SLCO3A1: variants seen among roughly 807,000 people sequenced by gnomAD.
SLCO3A1 encodes solute carrier organic anion transporter family member 3A1.
A neutral mutation model predicts 63.1 loss-of-function variants in SLCO3A1; 27 were observed. The observed-to-expected ratio is 0.43, with a 90% CI of 0.32 to 0.59. The LOEUF (loss-of-function observed/expected upper bound fraction) is 0.59. Among genes scored for constraint, SLCO3A1 ranks in the 20% least tolerant of loss-of-function variants. The pLI is 0.09. For synonymous variants in SLCO3A1, 473 were observed against 409.9 expected, an observed-to-expected ratio of 1.15 and a Z score of -1.86; for missense variants, 773 against 945.8, an observed-to-expected ratio of 0.82 and a Z score of 2.40.
At chr15:92,007,197 T>C (rs2151458970) in intron 2 of SLCO3A1, among the ~76,000 whole-genome samples, 1 of 152,330 alleles carries the variant, frequency 6.6e-6, no homozygotes, top group Middle Eastern at 3.4e-3. Flanking sequence ...TAGGTGCTGC[T>C]AAGAATAAGG....
Position 91,912,007 on chromosome 15 carries a change from G to A in SLCO3A1, c.181-3986G>A, listed in dbSNP as rs920380589. Reference sequence around the variant, plus strand: ...TTTTTTTTGAATAATCATTGTAGAAGCCTGATACATACTGCATACTTTACA... The same window carrying A: ...TTTTTTTTGAATAATCATTGTAGAAACCTGATACATACTGCATACTTTACA... On this transcript the variant is annotated intron_variant, in intron 1 of 9. Coordinates refer to ENST00000318445, the MANE Select transcript of SLCO3A1 (RefSeq NM_013272.4). The surrounding 1 kb of genome is among the most constrained non-coding windows in gnomAD (Gnocchi z 5.0). 6.6e-6 allele frequency among the ~76,000 whole-genome samples: 1 copy of A among 151,726 alleles called. No homozygotes were observed. Among genetic ancestry groups the A allele is most frequent in the Non-Finnish European group, 1.5e-5 (1 of 67,962 alleles).
At chr15:91,895,848 C>T (rs1045668223) in intron 1 of SLCO3A1, among the ~76,000 whole-genome samples, 12 of 152,168 alleles carry the variant, frequency 7.9e-5, no homozygotes, top group Non-Finnish European at 1.6e-4. Flanking sequence ...ATGTTCTTCA[C>T]TTCTAATAAA....
intron 2 of SLCO3A1, among the ~76,000 whole-genome samples, chr15:92,002,940 C>G (rs943877496): frequency 2.6e-5 from 4 of 152,086 alleles, no homozygotes; most frequent in South Asian, 2.1e-4. Context: ...GTTCAACATC[C>G]CAAGCCTCAA....
intron 2 of SLCO3A1, among the ~76,000 whole-genome samples, chr15:91,925,104 A>G (rs909943373): frequency 6.6e-6 from 1 of 152,208 alleles, no homozygotes; most frequent in Non-Finnish European, 1.5e-5. Context: ...AGGCACACCC[A>G]TCTTATTTGC....
At chr15:91,934,338 G>A in intron 2 of SLCO3A1, among the ~76,000 whole-genome samples, 1 of 152,168 alleles carries the variant, frequency 6.6e-6, no homozygotes, top group East Asian at 1.9e-4. Flanking sequence ...ACTGGGAAAT[G>A]GCTAGGCAGT....
intron 2 of SLCO3A1, among the ~76,000 whole-genome samples, chr15:92,029,246 G>A (rs1417257241): frequency 6.6e-6 from 1 of 152,154 alleles, no homozygotes. Flanking sequence ...AAGGAAACTT[G>A]TTCACTTCCT....
intron 2 of SLCO3A1, among the ~76,000 whole-genome samples, chr15:92,076,142 G>A (rs2047273603): frequency 6.6e-6 from 1 of 152,324 alleles, no homozygotes; most frequent in Middle Eastern, 3.4e-3. Context: ...CCCCCTTAGT[G>A]ATAAAATCAG....
rs1897078914 is a variant in SLCO3A1 at position 91,862,775 on chromosome 15, T to G, written c.180+8687T>G. On this transcript the variant is annotated intron_variant, in intron 1 of 9. Transcript: ENST00000318445. The surrounding 1 kb of genome is among the most constrained non-coding windows in gnomAD (Gnocchi z 4.0). ...AATTTGAGGGAGTTAGAAGTGATTA[T>G]TTTTACCGCCATTTCTGCACTTGCA... is the stretch of plus-strand genomic sequence containing the variant. Among the ~76,000 whole-genome samples the G allele has an allele frequency of 6.6e-6, 1 of 152,220 alleles. No homozygotes were observed. The highest frequency in any genetic ancestry group is 2.4e-5 in the African/African-American group (1 of 41,446).
chr15:91,853,851 C>T lies in SLCO3A1; in HGVS notation c.-58C>T, dbSNP rs1391930354. The T allele has an allele frequency of 7.3e-6, 9 of 1,236,802 alleles. No homozygotes were observed. The Admixed American group carries it at 2.7e-4, about 37-fold the overall frequency. The allele number at this position is 1,236,802 out of a possible 1,614,324, so 76.6% of individuals were successfully genotyped here. A position where few individuals can be genotyped will look rare whatever the true frequency, so the allele number is the denominator to read the frequency against. Reference sequence around the variant, plus strand: ...CACCCCCGCCCGGCAGCGGCCCCGACACCCGGGGCGAGCGGGAAAGCGGCA... The same window carrying T: ...CACCCCCGCCCGGCAGCGGCCCCGATACCCGGGGCGAGCGGGAAAGCGGCA... On this transcript the variant is annotated 5_prime_UTR_variant, in exon 1 of 10. Transcript: ENST00000318445.
In SLCO3A1 at chr15:92,013,649, A is replaced by G. The variant is rs1429491356; in HGVS notation, c.647-81232A>G. ...TTCAGTGATACAGAAAATGTCACTC[A>G]CAATCAAACATTCTTTCTTGTTTTT... On this transcript the variant is annotated intron_variant, in intron 2 of 9. Transcript: ENST00000318445. Among the ~76,000 whole-genome samples, 5 of 152,354 alleles carry G rather than the reference A, an allele frequency of 3.3e-5. No homozygotes were observed. In the East Asian group the frequency reaches 7.7e-4, roughly 23 times the overall value.
At chr15:92,148,913 AG>A (rs2048267269) in intron 8 of SLCO3A1, 1 of 152,360 alleles carries the variant, frequency 6.6e-6, no homozygotes, top group East Asian at 1.9e-4. Flanking sequence ...AACTATTTAG[AG>A]AAGATGATTA....
chr15:92,048,883 G>A (rs1346270668), intron 2 of SLCO3A1, among the ~76,000 whole-genome samples: 1 of 152,190 alleles, frequency 6.6e-6, no homozygotes, highest in Admixed American at 6.5e-5. Flanking sequence ...TAGAGCATTT[G>A]TGCATTCAGC....
chr15:92,010,571 G>C (rs1424270486), intron 2 of SLCO3A1, among the ~76,000 whole-genome samples: 2 of 152,144 alleles, frequency 1.3e-5, no homozygotes, highest in Non-Finnish European at 2.9e-5. Flanking sequence ...TTAGACTTCT[G>C]TGTAGGCATT....
At chr15:91,932,434 A>G (rs377595899) in intron 2 of SLCO3A1, among the ~76,000 whole-genome samples, 1 of 151,290 alleles carries the variant, frequency 6.6e-6, no homozygotes, top group East Asian at 1.9e-4. Context: ...AATTTTAGAT[A>G]TACCATTTTA....
At chr15:92,001,723 A>C (rs1436547064) in intron 2 of SLCO3A1, among the ~76,000 whole-genome samples, 1 of 151,858 alleles carries the variant, frequency 6.6e-6, no homozygotes, top group Non-Finnish European at 1.5e-5. Flanking sequence ...TGTATTAAAG[A>C]TCTCTATCCC....
intron 8 of SLCO3A1, among the ~76,000 whole-genome samples, chr15:92,148,170 C>G (rs373189379): frequency 2.0e-5 from 3 of 152,158 alleles, no homozygotes; most frequent in East Asian, 3.8e-4. Context: ...GTCATACCAC[C>G]GCACTCCAGC....
At chr15:91,855,493 A>G (rs1370934227) in intron 1 of SLCO3A1, among the ~76,000 whole-genome samples, 1 of 152,208 alleles carries the variant, frequency 6.6e-6, no homozygotes, top group Non-Finnish European at 1.5e-5. Context: ...TGTCTTGTGC[A>G]TTCGTAACTT....
intron 4 of SLCO3A1, among the ~76,000 whole-genome samples, chr15:92,106,575 G>A (rs78349945): frequency 0.017 from 2,598 of 152,262 alleles, 67 homozygotes; most frequent in African/African-American, 0.059. Flanking sequence ...TCCCCACCTC[G>A]GGATGATGAC....
intron 2 of SLCO3A1, among the ~76,000 whole-genome samples, chr15:91,969,432 A>G (rs1216991031): frequency 6.6e-6 from 1 of 151,942 alleles, no homozygotes; most frequent in Non-Finnish European, 1.5e-5. Context: ...CAGTCTCCCA[A>G]ATAGCTTGGG....
Sources: gnomAD v4.1 joint callset for allele counts (sites outside exome capture counted in the v4.1 genomes callset) on GRCh38, gnomAD v4.1.1 for gene constraint, Gnocchi (gnomAD v3.1) non-coding constraint, MANE v1.5 for transcripts, NCBI Gene and HGNC (gene_info 2026-07-23, HGNC 2026-07-21) for gene names.